TRAM2: variants seen among roughly 807,000 people sequenced by gnomAD.
TRAM2 encodes the protein translocation associated membrane protein 2, also known as translocating chain-associated membrane protein 2.
Under a neutral mutation model 51.0 loss-of-function variants are expected in TRAM2, and 12 were observed. The ratio of observed to expected loss-of-function variants is 0.24; its 90% CI spans 0.15 to 0.38. The LOEUF (loss-of-function observed/expected upper bound fraction) is 0.38, where lower values mean the gene tolerates loss of function less well. Ranked by LOEUF, TRAM2 falls within the 10% of genes least tolerant of loss-of-function variation. The probability of loss-of-function intolerance (pLI) is 1.00; values close to 1 mark genes in which losing one functional copy is unlikely to be tolerated. For synonymous variants in TRAM2, 175 were observed against 179.4 expected, an observed-to-expected ratio of 0.98 and a Z score of 0.20; for missense variants, 361 against 462.0, an observed-to-expected ratio of 0.78 and a Z score of 2.00.
chr6:52,541,526 C>T (rs1157223703), intron 1 of TRAM2, among the ~76,000 whole-genome samples: 2 of 152,172 alleles, frequency 1.3e-5, no homozygotes, highest in Non-Finnish European at 2.9e-5. Context: ...AGAGGTCTTT[C>T]CAGAAGTTTA....
chr6:52,563,746 T>A (rs540666408), intron 1 of TRAM2, among the ~76,000 whole-genome samples: 7 of 149,792 alleles, frequency 4.7e-5, no homozygotes, highest in Admixed American at 4.6e-4. Context: ...GGGAGCTAGA[T>A]GAGAACAGGT....
chr6:52,576,841 G>C lies in TRAM2; in HGVS notation c.75C>G (p.Ile25Met), dbSNP rs929039181. The C allele has an allele frequency of 6.2e-7, 1 of 1,613,926 alleles. No individual in the cohort carries two copies. The highest frequency in any genetic ancestry group is 8.5e-7 in the Non-Finnish European group (1 of 1,179,862). ...QEFVIHNHAD[I>M]GFCLVLCVLI... ...GGACGCAGAGCACCAGGCAGAAGCC[G>C]ATGTCCGCATGGTTGTGGATGACGA... Residue 25 changes from isoleucine to methionine, a missense_variant, in exon 1 of 11, where the codon ATC (isoleucine) becomes ATG (methionine). Physicochemically the swap from Ile to Met is conservative, Grantham distance 10. Coordinates refer to ENST00000182527, the MANE Select transcript of TRAM2 (RefSeq NM_012288.4).
intron 1 of TRAM2, among the ~76,000 whole-genome samples, chr6:52,538,496 G>T (rs566735842): frequency 7.2e-5 from 11 of 152,314 alleles, no homozygotes; most frequent in Non-Finnish European, 4.4e-5. Context: ...CGGGTATGAG[G>T]AGGTGCTGCT....
intron 3 of TRAM2, 128 bp from the exon 4 acceptor site, chr6:52,516,250 A>G: frequency 1.2e-6 from 1 of 867,658 alleles, no homozygotes; most frequent in Non-Finnish European, 1.8e-6. Flanking sequence ...CCATAATCCA[A>G]GTCATTTGGT....
At chr6:52,567,084 G>A (rs546504131) in intron 1 of TRAM2, among the ~76,000 whole-genome samples, 3 of 152,322 alleles carry the variant, frequency 2.0e-5, no homozygotes, top group South Asian at 2.1e-4. Flanking sequence ...GCAGAACAAG[G>A]GGCAAGAGGT....
chr6:52,571,045 A>G (rs1767672265), intron 1 of TRAM2, among the ~76,000 whole-genome samples: 1 of 152,056 alleles, frequency 6.6e-6, no homozygotes, highest in African/African-American at 2.4e-5. Flanking sequence ...GCTGTTCAGG[A>G]ACCATGTTAG....
At chr6:52,518,551 G>A (rs1380064704) in intron 2 of TRAM2, among the ~76,000 whole-genome samples, 3 of 152,192 alleles carry the variant, frequency 2.0e-5, no homozygotes, top group African/African-American at 4.8e-5. Flanking sequence ...CTGTGATCCA[G>A]GTAAGAAGCC....
intron 4 of TRAM2, among the ~76,000 whole-genome samples, chr6:52,512,781 A>G (rs184101735): frequency 4.2e-4 from 64 of 152,352 alleles, no homozygotes; most frequent in African/African-American, 1.5e-3. Flanking sequence ...GATATAGCAC[A>G]GGCAAGTGCT....
chr6:52,507,642 G>T lies in TRAM2; in HGVS notation c.556-19C>A. The T allele has an allele frequency of 1.2e-6, 2 of 1,612,856 alleles. No homozygotes were observed. Among genetic ancestry groups the T allele is most frequent in the Non-Finnish European group, 1.7e-6 (2 of 1,178,992 alleles). ...TTTCCTCCTGGAAACAAGAGAAGCAGATGGTAAATTTGCTAATTCCCTAAC... is the reference window on the plus strand; with the variant it reads ...TTTCCTCCTGGAAACAAGAGAAGCATATGGTAAATTTGCTAATTCCCTAAC... On this transcript the variant is annotated intron_variant, in intron 6 of 10. Transcript: ENST00000182527.
chr6:52,534,084 C>CAA (rs34466348), intron 2 of TRAM2, among the ~76,000 whole-genome samples: 30 of 132,292 alleles, frequency 2.3e-4, no homozygotes, highest in African/African-American at 7.9e-4. Context: ...AAACTCCGTC[C>CAA]AAAAAAAAAA....
chr6:52,501,953 G>A lies in TRAM2; in HGVS notation c.*1244C>T, dbSNP rs531038820. On this transcript the variant is annotated 3_prime_UTR_variant, in exon 11 of 11. Coordinates refer to ENST00000182527, the MANE Select transcript of TRAM2 (RefSeq NM_012288.4). Reference sequence around the variant, plus strand: ...AGGTGGAGGGGAGGGGAAAGAATCTGTGAGGGAAGGGGCCAGAAAGGCGCC... The same window carrying A: ...AGGTGGAGGGGAGGGGAAAGAATCTATGAGGGAAGGGGCCAGAAAGGCGCC... 1 of 152,394 alleles carries A rather than the reference G, an allele frequency of 6.6e-6. No individual in the cohort carries two copies. Among genetic ancestry groups the A allele is most frequent in the East Asian group, 1.9e-4 (1 of 5,194 alleles). The allele number at this position is 152,394 out of a possible 1,614,324, so 9.4% of individuals were successfully genotyped here. A position where few individuals can be genotyped will look rare whatever the true frequency, so the allele number is the denominator to read the frequency against.
chr6:52,527,386 A>AAAAAG (rs559866440), intron 2 of TRAM2, among the ~76,000 whole-genome samples: 6 of 151,678 alleles, frequency 4.0e-5, no homozygotes, highest in Non-Finnish European at 5.9e-5. Context: ...TCAAAAAAAA[A>AAAAAG]AAAAGAAAAG....
chr6:52,531,908 T>G (rs961865400), intron 2 of TRAM2, among the ~76,000 whole-genome samples: 1 of 152,228 alleles, frequency 6.6e-6, no homozygotes, highest in Non-Finnish European at 1.5e-5. Context: ...TTCTGGACAT[T>G]ATTTTACACC....
At chr6:52,566,716 C>A (rs1199854861) in intron 1 of TRAM2, among the ~76,000 whole-genome samples, 3 of 152,220 alleles carry the variant, frequency 2.0e-5, no homozygotes, top group African/African-American at 7.2e-5. Context: ...TTCACACCAG[C>A]TCATCTGTCT....
intron 1 of TRAM2, among the ~76,000 whole-genome samples, chr6:52,544,627 G>A (rs9395803): frequency 0.025 from 3,846 of 152,312 alleles, 454 homozygotes; most frequent in Admixed American, 0.21. Flanking sequence ...GACCACCTAC[G>A]TGAGGGAACC....
intron 1 of TRAM2, among the ~76,000 whole-genome samples, chr6:52,576,287 G>A (rs1157023165): frequency 2.6e-5 from 4 of 152,240 alleles, no homozygotes; most frequent in Non-Finnish European, 5.9e-5. Context: ...ATCCGAGCAC[G>A]TTCCAGAGCT....
chr6:52,525,438 A>T (rs1766759939), intron 2 of TRAM2, among the ~76,000 whole-genome samples: 1 of 152,232 alleles, frequency 6.6e-6, no homozygotes, highest in Non-Finnish European at 1.5e-5. Context: ...AACTACAAGC[A>T]TCACCATAGT....
chr6:52,532,274 G>A (rs1223917346), intron 2 of TRAM2, among the ~76,000 whole-genome samples: 1 of 152,158 alleles, frequency 6.6e-6, no homozygotes, highest in Non-Finnish European at 1.5e-5. Context: ...TTGGTCTCCA[G>A]GATAATTCTT....
At chr6:52,551,692 C>A (rs926651830) in intron 1 of TRAM2, among the ~76,000 whole-genome samples, 1 of 152,104 alleles carries the variant, frequency 6.6e-6, no homozygotes, top group East Asian at 1.9e-4. Context: ...GGAGATGGGT[C>A]AGATTAAAGG....
Sources: gnomAD v4.1 joint callset for allele counts (sites outside exome capture counted in the v4.1 genomes callset) on GRCh38, gnomAD v4.1.1 for gene constraint, MANE v1.5 for transcripts, NCBI Gene and HGNC (gene_info 2026-07-23, HGNC 2026-07-21) for gene names.